The following CBLB variants were observed in gnomAD, a reference collection of about 807,000 sequenced individuals.
CBLB encodes E3 ubiquitin-protein ligase CBL-B.
In CBLB, 31 loss-of-function variants were observed where a neutral mutation model predicts 104.9. The observed-to-expected ratio is 0.30, with a 90% CI of 0.22 to 0.40. The LOEUF is 0.40. Ranked by LOEUF, CBLB falls within the 10% of genes least tolerant of loss-of-function variation. The pLI, the probability that CBLB is intolerant of heterozygous loss-of-function variation, is 1.00. For missense variants in CBLB, 1,062 were observed against 1,214.6 expected, an observed-to-expected ratio of 0.87 and a Z score of 1.87; for synonymous variants, 440 against 422.6, an observed-to-expected ratio of 1.04 and a Z score of -0.51.
intron 3 of CBLB, among the ~76,000 whole-genome samples, chr3:105,793,201 G>T (rs1041499284): frequency 1.3e-5 from 2 of 152,070 alleles, no homozygotes; most frequent in Non-Finnish European, 2.9e-5. Context: ...GCCAGAGAGT[G>T]ATTTGAAAGG....
In CBLB at chr3:105,860,026, T is replaced by C. The variant is rs545652921; in HGVS notation, c.169-6362A>G. Among the ~76,000 whole-genome samples the C allele has an allele frequency of 2.6e-5, 4 of 152,334 alleles. No individual in the cohort carries two copies. The South Asian group carries it at 6.2e-4, about 24-fold the overall frequency. ...TTTCCACGAAGATGTCTTCAGAAGA[T>C]TGACATTAAGAAGCACCATTAAAGA... On this transcript the variant is annotated intron_variant, in intron 2 of 18. Coordinates refer to ENST00000394030, the MANE Select transcript of CBLB (RefSeq NM_170662.5).
chr3:105,692,674 A>G (rs540029505), intron 13 of CBLB, among the ~76,000 whole-genome samples: 84 of 152,178 alleles, frequency 5.5e-4, no homozygotes, highest in Non-Finnish European at 9.1e-4. Context: ...AGTTAATTTA[A>G]TGGAAAAAGG....
rs1480257627 is a variant in CBLB at position 105,678,454 on chromosome 3, T to A, written c.2546A>T (p.Gln849Leu). ...PGSSSRPSSG[Q>L]DLFLLPSDPF... ...ACCTGAAGGAAGAAGAAAAAGATCC[T>A]GTCCTGAGGATGGCCGGCTACTGGA... Residue 849 changes from glutamine to leucine, a missense_variant, in exon 17 of 19, where the codon CAG becomes CTG. Physicochemically the swap from Gln to Leu is moderately radical, Grantham distance 113. Around this residue, in one of 2 missense-constraint regions of CBLB, gnomAD observed 605 missense variants for 582.6 expected, o/e 1.04. Transcript: ENST00000394030. 5 of 1,614,020 alleles carry A rather than the reference T, an allele frequency of 3.1e-6. No homozygotes were observed. The highest frequency in any genetic ancestry group is 3.4e-6 in the Non-Finnish European group (4 of 1,179,996).
intron 4 of CBLB, among the ~76,000 whole-genome samples, chr3:105,758,985 T>C (rs2077346854): frequency 6.6e-6 from 1 of 152,216 alleles, no homozygotes; most frequent in African/African-American, 2.4e-5. Flanking sequence ...TTCAGCCCTG[T>C]TTGTGTTACT....
chr3:105,676,834 G>A (rs2065705925), intron 17 of CBLB, among the ~76,000 whole-genome samples: 2 of 152,156 alleles, frequency 1.3e-5, no homozygotes, highest in South Asian at 4.1e-4. Flanking sequence ...CTGTTCTCAT[G>A]ATAGTGAGTG....
chr3:105,712,948 A>G (rs1254263608), intron 10 of CBLB, among the ~76,000 whole-genome samples: 11 of 152,114 alleles, frequency 7.2e-5, no homozygotes. Flanking sequence ...AAGTACAGCA[A>G]TATTTCAGGA....
At chr3:105,797,410 A>G (rs937736780) in intron 3 of CBLB, among the ~76,000 whole-genome samples, 2 of 152,120 alleles carry the variant, frequency 1.3e-5, no homozygotes, top group African/African-American at 4.8e-5. Context: ...CATGGACACA[A>G]AGAGGGGAAC....
intron 4 of CBLB, among the ~76,000 whole-genome samples, chr3:105,757,428 G>A (rs920550036): frequency 2.6e-5 from 4 of 152,164 alleles, no homozygotes; most frequent in Admixed American, 1.3e-4. Flanking sequence ...CAGAACTACT[G>A]GGTGGTGACT....
intron 3 of CBLB, among the ~76,000 whole-genome samples, chr3:105,843,933 A>G (rs1410579667): frequency 6.6e-6 from 1 of 152,212 alleles, no homozygotes; most frequent in African/African-American, 2.4e-5. Context: ...CTAAAAAGAT[A>G]TGTTTAAATT....
intron 3 of CBLB, among the ~76,000 whole-genome samples, chr3:105,781,336 C>T (rs1355073593): frequency 1.3e-5 from 2 of 152,062 alleles, no homozygotes; most frequent in African/African-American, 4.8e-5. Context: ...GGAGCTTCAC[C>T]GTTTATAAAC....
At chr3:105,818,894 T>C (rs1050430207) in intron 3 of CBLB, among the ~76,000 whole-genome samples, 1 of 151,314 alleles carries the variant, frequency 6.6e-6, no homozygotes, top group African/African-American at 2.4e-5. Flanking sequence ...TAGATTAATT[T>C]GTAAAAAAAA....
intron 3 of CBLB, among the ~76,000 whole-genome samples, chr3:105,842,102 T>A (rs913029211): frequency 7.9e-5 from 12 of 152,110 alleles, no homozygotes; most frequent in Non-Finnish European, 1.5e-4. Context: ...TTACTGTCCA[T>A]TATAAAAATT....
chr3:105,756,258 G>A (rs2152921408), intron 4 of CBLB, among the ~76,000 whole-genome samples: 1 of 152,132 alleles, frequency 6.6e-6, no homozygotes, highest in South Asian at 2.1e-4. Context: ...TTAAACTATA[G>A]GAAATAAGAA....
Position 105,770,426 on chromosome 3 carries a change from G to A in CBLB, c.566+5970C>T, listed in dbSNP as rs375744129. Among the ~76,000 whole-genome samples, 36 of 152,184 alleles carry A rather than the reference G, an allele frequency of 2.4e-4. No individual in the cohort carries two copies. The East Asian group carries it at 3.3e-3, about 14-fold the overall frequency. On this transcript the variant is annotated intron_variant, in intron 4 of 18. Coordinates refer to ENST00000394030, the MANE Select transcript of CBLB (RefSeq NM_170662.5). ...TTAGGGAAATAAAAAAGTAGGAGCCGCAGCAGGACTTCCCAATCTCCAGCA... is the reference window on the plus strand; with the variant it reads ...TTAGGGAAATAAAAAAGTAGGAGCCACAGCAGGACTTCCCAATCTCCAGCA...
At chr3:105,834,978 TACAA>T (rs2088221783) in intron 3 of CBLB, among the ~76,000 whole-genome samples, 1 of 152,206 alleles carries the variant, frequency 6.6e-6, no homozygotes, top group Non-Finnish European at 1.5e-5. Context: ...TGACAAGGTG[TACAA>T]ACTATGTAAC....
chr3:105,866,067 C>T (rs550091758), intron 2 of CBLB, among the ~76,000 whole-genome samples: 56 of 152,276 alleles, frequency 3.7e-4, no homozygotes, highest in Admixed American at 1.3e-3. Context: ...ACTATGACAT[C>T]ATTCTGTCTG....
chr3:105,679,165 A>C (rs1171237063), intron 16 of CBLB, among the ~76,000 whole-genome samples: 2 of 152,134 alleles, frequency 1.3e-5, no homozygotes, highest in Non-Finnish European at 2.9e-5. Flanking sequence ...TGTCAGATTT[A>C]GCTACAGAAG....
chr3:105,803,165 T>C (rs2083094683), intron 3 of CBLB, among the ~76,000 whole-genome samples: 1 of 152,222 alleles, frequency 6.6e-6, no homozygotes, highest in Non-Finnish European at 1.5e-5. Context: ...AATTTGCTGG[T>C]TGTGATTATT....
intron 3 of CBLB, among the ~76,000 whole-genome samples, chr3:105,794,411 C>T (rs1264226810): frequency 6.6e-6 from 1 of 152,108 alleles, no homozygotes; most frequent in Non-Finnish European, 1.5e-5. Flanking sequence ...GTTTGTTTCC[C>T]CAGAGTCAGC....
Sources: gnomAD v4.1 joint callset for allele counts (sites outside exome capture counted in the v4.1 genomes callset) on GRCh38, gnomAD v4.1.1 for gene constraint, gnomAD v4.1.1 regional missense constraint, MANE v1.5 for transcripts, NCBI Gene and HGNC (gene_info 2026-07-23, HGNC 2026-07-21) for gene names.